The following PRKCH variants were observed in gnomAD, a reference collection of about 807,000 sequenced individuals.
PRKCH encodes the protein protein kinase C eta type.
In PRKCH, 28 loss-of-function variants were observed where a neutral mutation model predicts 82.5. The ratio of observed to expected loss-of-function variants is 0.34; its 90% CI spans 0.25 to 0.47. The LOEUF (loss-of-function observed/expected upper bound fraction) is 0.47, where lower values mean the gene tolerates loss of function less well. Among genes scored for constraint, PRKCH ranks in the 20% least tolerant of loss-of-function variants. PRKCH has a pLI of 1.00. For synonymous variants in PRKCH, 322 were observed against 327.4 expected (o/e 0.98, Z 0.18); for missense variants, 705 against 881.8 (o/e 0.80, Z 2.54).
intron 9 of PRKCH, among the ~76,000 whole-genome samples, chr14:61,458,952 T>C (rs1884908973): frequency 6.6e-6 from 1 of 152,148 alleles, no homozygotes; most frequent in South Asian, 2.1e-4. Context: ...AACCATATCA[T>C]GCCCTTAGCA....
At chr14:61,492,572 G>A (rs1440707158) in intron 10 of PRKCH, among the ~76,000 whole-genome samples, 1 of 152,212 alleles carries the variant, frequency 6.6e-6, no homozygotes, top group Non-Finnish European at 1.5e-5. Flanking sequence ...CAGCTGGCAT[G>A]AAGAGCAAAC....
At chr14:61,383,187 C>G (rs2046536570) in intron 1 of PRKCH, among the ~76,000 whole-genome samples, 1 of 152,068 alleles carries the variant, frequency 6.6e-6, no homozygotes, top group South Asian at 2.1e-4. Context: ...TTCCTTGGAG[C>G]CATCTTGGAG....
chr14:61,191,864 T>C (rs1454151701), intron 1 of PRKCH, among the ~76,000 whole-genome samples: 1 of 152,170 alleles, frequency 6.6e-6, no homozygotes, highest in Admixed American at 6.5e-5. Context: ...AACTTTTTCC[T>C]AAGTTCTTTC....
At chr14:61,469,215 G>A (rs1885392057) in intron 9 of PRKCH, among the ~76,000 whole-genome samples, 1 of 152,186 alleles carries the variant, frequency 6.6e-6, no homozygotes, top group East Asian at 1.9e-4. Flanking sequence ...AGGATTACAG[G>A]CATGAGCCAC....
chr14:61,194,308 C>G (rs1020300328), intron 1 of PRKCH, among the ~76,000 whole-genome samples: 6 of 152,162 alleles, frequency 3.9e-5, no homozygotes. Context: ...TTTACATCAC[C>G]TTCAAATTCA....
At chr14:61,296,602 A>G (rs939370728) in intron 1 of PRKCH, among the ~76,000 whole-genome samples, 1 of 152,230 alleles carries the variant, frequency 6.6e-6, no homozygotes, top group African/African-American at 2.4e-5. Context: ...GAAGGGCTGC[A>G]GGGAGAATGG....
chr14:61,316,388 C>T (rs1161096436), intron 1 of PRKCH, among the ~76,000 whole-genome samples: 1 of 152,094 alleles, frequency 6.6e-6, no homozygotes, highest in African/African-American at 2.4e-5. Context: ...ATTTAAAAAG[C>T]ATTTTGATAA....
intron 2 of PRKCH, among the ~76,000 whole-genome samples, chr14:61,395,874 G>A (rs1460250093): frequency 6.6e-6 from 1 of 152,034 alleles, no homozygotes; most frequent in African/African-American, 2.4e-5. Context: ...GAGCTCAGGA[G>A]TTTGAGACCG....
upstream of PRKCH, among the ~76,000 whole-genome samples, chr14:61,319,199 G>A (rs1250911638): frequency 2.0e-5 from 3 of 152,206 alleles, no homozygotes; most frequent in East Asian, 1.9e-4. Context: ...CTCCAGCCAC[G>A]TAGGGTGCTT....
chr14:61,210,308 G>C (rs900788600), intron 1 of PRKCH, among the ~76,000 whole-genome samples: 1 of 151,100 alleles, frequency 6.6e-6, no homozygotes, highest in Non-Finnish European at 1.5e-5. Flanking sequence ...AGCTAGACTC[G>C]GTCTCAGAAA....
At chr14:61,452,262 G>A (rs2140288350) in intron 6 of PRKCH, among the ~76,000 whole-genome samples, 1 of 152,200 alleles carries the variant, frequency 6.6e-6, no homozygotes, top group South Asian at 2.1e-4. Flanking sequence ...AAGTCTCAGG[G>A]CTCCTCTCTC....
chr14:61,292,664 A>C (rs2045373770), intron 1 of PRKCH, among the ~76,000 whole-genome samples: 1 of 150,124 alleles, frequency 6.7e-6, no homozygotes, highest in African/African-American at 2.4e-5. Context: ...CCAGCTACTC[A>C]GGAGGCTGAG....
intron 9 of PRKCH, among the ~76,000 whole-genome samples, chr14:61,479,280 A>C (rs1050842756): frequency 1.3e-5 from 2 of 152,184 alleles, no homozygotes; most frequent in African/African-American, 4.8e-5. Flanking sequence ...GTTCCTGCAC[A>C]CAGCCTAGAC....
intron 1 of PRKCH, among the ~76,000 whole-genome samples, chr14:61,216,891 C>A (rs761939323): frequency 2.6e-5 from 4 of 152,074 alleles, no homozygotes; most frequent in African/African-American, 4.8e-5. Context: ...GTTATTCTGG[C>A]GTTTAAAAAT....
chr14:61,333,624 A>G (rs771694689), intron 1 of PRKCH, among the ~76,000 whole-genome samples: 6 of 151,756 alleles, frequency 4.0e-5, no homozygotes, highest in African/African-American at 7.3e-5. Context: ...TTTAGGACCT[A>G]TTTGGTTGTG....
intron 1 of PRKCH, among the ~76,000 whole-genome samples, chr14:61,282,777 A>G (rs1295740609): frequency 1.3e-5 from 2 of 152,220 alleles, no homozygotes; most frequent in Non-Finnish European, 2.9e-5. Context: ...GTTGGAAACC[A>G]GGTATTATAG....
chr14:61,391,294 A>T lies in PRKCH; in HGVS notation c.427+6A>T, dbSNP rs749188329. The stretch of plus-strand genomic sequence containing the variant: ...TACCGGGAGTTTCACTGAAGGTAAG[A>T]ATGAGTTTTGGGTAGTTTCCAGAAT... On this transcript the variant is annotated splice_donor_region_variant and intron_variant, in intron 2 of 13. Transcript: ENST00000332981. The T allele has an allele frequency of 6.2e-7, 1 of 1,605,766 alleles. No homozygotes were observed. The highest frequency in any genetic ancestry group is 8.5e-7 in the Non-Finnish European group (1 of 1,175,404).
chr14:61,460,466 C>A (rs918327959), intron 9 of PRKCH, among the ~76,000 whole-genome samples: 3 of 152,174 alleles, frequency 2.0e-5, no homozygotes, highest in African/African-American at 7.2e-5. Flanking sequence ...TTGCCCCCTC[C>A]CCCATTGTGG....
intron 6 of PRKCH, chr14:61,452,879 C>A (rs1011127023): frequency 2.3e-5 from 6 of 255,846 alleles, no homozygotes; most frequent in Non-Finnish European, 3.8e-5. Context: ...TATTTAATTG[C>A]CTGTGAATTG....
Sources: allele counts gnomAD v4.1 joint callset (sites outside exome capture counted in the v4.1 genomes callset), GRCh38; gene constraint gnomAD v4.1.1; transcripts MANE v1.5; gene names NCBI Gene and HGNC (gene_info 2026-07-23, HGNC 2026-07-21).